Variants in VKORC1L1 observed in about 807,000 individuals in gnomAD.
The protein encoded by VKORC1L1 is vitamin K epoxide reductase complex subunit 1-like protein 1.
A neutral mutation model predicts 18.9 loss-of-function variants in VKORC1L1; 2 were observed. The observed-to-expected ratio is 0.11, with a 90% confidence interval of 0.04 to 0.33. The LOEUF (loss-of-function observed/expected upper bound fraction) is 0.33. VKORC1L1 is among the 10% of genes least tolerant of loss of function. VKORC1L1 has a pLI of 1.00. For missense variants in VKORC1L1, 123 were observed against 224.1 expected (o/e 0.55, Z 2.88); for synonymous variants, 96 against 100.0 (o/e 0.96, Z 0.24).
At position 65,952,495 on chromosome 7, in the gene VKORC1L1, G is replaced by T. The variant is rs183183142; in HGVS notation, c.305-1579G>T. 1.9e-3 allele frequency among the ~76,000 whole-genome samples: 290 copies of T among 152,154 alleles called. 3 individuals are homozygous for T. Among genetic ancestry groups the T allele is most frequent in the African/African-American group, 6.8e-3 (282 of 41,516 alleles). On this transcript the variant is annotated intron_variant, in intron 2 of 2. Coordinates refer to ENST00000360768, the MANE Select transcript of VKORC1L1 (RefSeq NM_173517.6). ...AAAGCATCTAGGCCCGTGGCTGTGC[G>T]GCAGCCGGCCCACAGGCGTCTTCTT...
chr7:65,918,642 G>A (rs1789626788), intron 1 of VKORC1L1, among the ~76,000 whole-genome samples: 1 of 152,214 alleles, frequency 6.6e-6, no homozygotes, highest in South Asian at 2.1e-4. Context: ...TTGCTTCAGT[G>A]CAGGTAACCT....
intron 1 of VKORC1L1, among the ~76,000 whole-genome samples, chr7:65,908,246 C>T (rs1269718660): frequency 6.6e-6 from 1 of 152,022 alleles, no homozygotes; most frequent in African/African-American, 2.4e-5. Flanking sequence ...AACCGCCGTC[C>T]CTACTAAAAA....
rs1411909590 is a variant in VKORC1L1, at chr7:65,958,285, G to C, written c.*3985G>C. 6.6e-6 allele frequency: 1 copy of C among 152,156 alleles called. No homozygotes were observed. Among genetic ancestry groups the C allele is most frequent in the Non-Finnish European group, 1.5e-5 (1 of 68,044 alleles). 9.4% of individuals were successfully genotyped at this position (152,156 alleles called of 1,614,324 possible). A position where few individuals can be genotyped will look rare whatever the true frequency, so the allele number is the denominator to read the frequency against. ...TAAAACTGTATTAAGCATGGCCTAAGTATTTATTAGGTATATGATCTGTGT... is the reference window on the plus strand; with the variant it reads ...TAAAACTGTATTAAGCATGGCCTAACTATTTATTAGGTATATGATCTGTGT... On this transcript the variant is annotated 3_prime_UTR_variant, in exon 3 of 3. Coordinates refer to ENST00000360768, the MANE Select transcript of VKORC1L1 (RefSeq NM_173517.6).
At chr7:65,934,372 A>AT (rs984010822) in intron 1 of VKORC1L1, among the ~76,000 whole-genome samples, 3 of 152,194 alleles carry the variant, frequency 2.0e-5, no homozygotes, top group Non-Finnish European at 2.9e-5. Flanking sequence ...TCAAATACTT[A>AT]TTTTTTGTGG....
At chr7:65,919,118 A>G (rs925554280) in intron 1 of VKORC1L1, among the ~76,000 whole-genome samples, 4 of 152,080 alleles carry the variant, frequency 2.6e-5, no homozygotes, top group South Asian at 2.1e-4. Context: ...TAAATAATAA[A>G]CTAAAACAAC....
intron 1 of VKORC1L1, among the ~76,000 whole-genome samples, chr7:65,947,064 G>A (rs569799929): frequency 1.3e-5 from 2 of 152,140 alleles, no homozygotes; most frequent in South Asian, 2.1e-4. Context: ...CTTGAACCTC[G>A]GAGGTCAAGG....
chr7:65,928,034 A>G (rs1233690912), intron 1 of VKORC1L1, among the ~76,000 whole-genome samples: 1 of 152,030 alleles, frequency 6.6e-6, no homozygotes. Context: ...AACCTATAGT[A>G]AGGCACTTAG....
At chr7:65,900,344 G>C (rs1789293889) in intron 1 of VKORC1L1, among the ~76,000 whole-genome samples, 1 of 150,506 alleles carries the variant, frequency 6.6e-6, no homozygotes, top group African/African-American at 2.4e-5. Flanking sequence ...GCAGTGAGCT[G>C]AGATCATGCC....
intron 1 of VKORC1L1, among the ~76,000 whole-genome samples, chr7:65,909,263 T>C (rs2115565215): frequency 6.6e-6 from 1 of 151,200 alleles, no homozygotes; most frequent in East Asian, 2.0e-4. Context: ...GGATTGCAGA[T>C]GAGCCACCGT....
At chr7:65,929,680 GTGTATATATATA>G (rs1789826326) in intron 1 of VKORC1L1, among the ~76,000 whole-genome samples, 1 of 103,800 alleles carries the variant, frequency 9.6e-6, no homozygotes, top group East Asian at 2.7e-4. Flanking sequence ...ATGTGTGTGT[GTGTATATATATA>G]TATATATATA....
intron 1 of VKORC1L1, among the ~76,000 whole-genome samples, chr7:65,882,612 CAGAGTT>C (rs1339876275): frequency 1.3e-5 from 2 of 151,682 alleles, no homozygotes; most frequent in Non-Finnish European, 2.9e-5. Flanking sequence ...TTTTCCTCCT[CAGAGTT>C]AGAAAGGATA....
intron 1 of VKORC1L1, among the ~76,000 whole-genome samples, chr7:65,894,931 T>C (rs1044784633): frequency 1.3e-5 from 2 of 152,106 alleles, no homozygotes; most frequent in Non-Finnish European, 2.9e-5. Context: ...ATGAAAGATA[T>C]TTCTGAAAAA....
chr7:65,871,697 C>T (rs1294293490), upstream of VKORC1L1, among the ~76,000 whole-genome samples: 2 of 152,154 alleles, frequency 1.3e-5, no homozygotes, highest in East Asian at 3.9e-4. Flanking sequence ...TGTCTCCAGC[C>T]AACAGCCAGA....
chr7:65,941,076 T>A (rs761991500), intron 1 of VKORC1L1, among the ~76,000 whole-genome samples: 2 of 152,168 alleles, frequency 1.3e-5, no homozygotes, highest in African/African-American at 2.4e-5. Flanking sequence ...TTTAATTGCA[T>A]TGGGGCACAG....
intron 1 of VKORC1L1, among the ~76,000 whole-genome samples, chr7:65,915,046 C>T (rs914820826): frequency 5.3e-5 from 8 of 151,302 alleles, no homozygotes; most frequent in Non-Finnish European, 1.2e-4. Flanking sequence ...TCTCCCTCTT[C>T]GGTTTGTAAT....
chr7:65,885,775 G>A (rs565450652), intron 1 of VKORC1L1, among the ~76,000 whole-genome samples: 7 of 151,992 alleles, frequency 4.6e-5, no homozygotes, highest in East Asian at 3.9e-4. Context: ...CCCCTCCCCC[G>A]TGGCTTTTTA....
At chr7:65,889,520 T>C (rs1789075009) in intron 1 of VKORC1L1, among the ~76,000 whole-genome samples, 2 of 152,322 alleles carry the variant, frequency 1.3e-5, no homozygotes, top group African/African-American at 4.8e-5. Context: ...TTCACGTTCT[T>C]TTATTGTGAA....
At chr7:65,934,752 T>C (rs1426130621) in intron 1 of VKORC1L1, among the ~76,000 whole-genome samples, 2 of 152,002 alleles carry the variant, frequency 1.3e-5, no homozygotes, top group African/African-American at 4.8e-5. Flanking sequence ...TAAAGCACTT[T>C]AGATATTAAA....
chr7:65,911,237 TTTG>T (rs1431285732), intron 1 of VKORC1L1, among the ~76,000 whole-genome samples: 1 of 152,220 alleles, frequency 6.6e-6, no homozygotes, highest in Non-Finnish European at 1.5e-5. Flanking sequence ...CATATGTAAA[TTTG>T]GTTAAAAAGA....
Sources: gnomAD v4.1 joint callset for allele counts (sites outside exome capture counted in the v4.1 genomes callset) on GRCh38, gnomAD v4.1.1 for gene constraint, MANE v1.5 for transcripts, NCBI Gene and HGNC (gene_info 2026-07-23, HGNC 2026-07-21) for gene names.